SLC25A13: variants seen among roughly 807,000 people sequenced by gnomAD.
SLC25A13 encodes electrogenic aspartate/glutamate antiporter SLC25A13, mitochondrial.
Under a neutral mutation model 85.5 loss-of-function variants are expected in SLC25A13, and 70 were observed. The ratio of observed to expected loss-of-function variants is 0.82; its 90% CI spans 0.68 to 1.00. The LOEUF is 1.00. Ranked by LOEUF, SLC25A13 falls within the 50% of genes least tolerant of loss-of-function variation. The pLI, the probability that SLC25A13 is intolerant of heterozygous loss-of-function variation, is 0.00. For missense variants in SLC25A13, 765 were observed against 819.8 expected (o/e 0.93, Z 0.82); for synonymous variants, 259 against 288.7 (o/e 0.90, Z 1.04).
intron 4 of SLC25A13, among the ~76,000 whole-genome samples, chr7:96,213,030 G>C (rs1330709959): frequency 6.6e-6 from 1 of 152,218 alleles, no homozygotes; most frequent in East Asian, 1.9e-4. Context: ...AACTAATAAA[G>C]TCTTTTAAAA....
At position 96,233,795 on chromosome 7, in the gene SLC25A13, A is replaced by C. The variant is rs546280790; in HGVS notation, c.328+1007T>G. 5.3e-5 allele frequency among the ~76,000 whole-genome samples: 8 copies of C among 152,314 alleles called. No homozygotes were observed. In the South Asian group the frequency reaches 1.2e-3, roughly 24 times the overall value. On this transcript the variant is annotated intron_variant, in intron 4 of 17. Coordinates refer to ENST00000265631, the MANE Select transcript of SLC25A13 (RefSeq NM_014251.3). ...TTTTTCCCATATCTGTATGTTTTCC[A>C]CAATACATCAAATAAGACAAGTCCC...
chr7:96,153,028 G>A (rs1793109674), intron 13 of SLC25A13, among the ~76,000 whole-genome samples: 1 of 152,200 alleles, frequency 6.6e-6, no homozygotes, highest in Non-Finnish European at 1.5e-5. Context: ...AAAATATCTA[G>A]GGGGAAGAGA....
intron 3 of SLC25A13, among the ~76,000 whole-genome samples, chr7:96,273,737 T>A (rs1798333655): frequency 6.6e-6 from 1 of 152,148 alleles, no homozygotes; most frequent in Admixed American, 6.6e-5. Flanking sequence ...TGACTCAGAT[T>A]TTTTTTTCTG....
At chr7:96,294,470 G>C (rs1029246865) in intron 2 of SLC25A13, among the ~76,000 whole-genome samples, 4 of 151,900 alleles carry the variant, frequency 2.6e-5, no homozygotes, top group African/African-American at 4.8e-5. Context: ...TTAACTAGGC[G>C]TGGTGGTACA....
At chr7:96,190,434 T>C (rs1246099835) in intron 7 of SLC25A13, among the ~76,000 whole-genome samples, 1 of 151,874 alleles carries the variant, frequency 6.6e-6, no homozygotes, top group Non-Finnish European at 1.5e-5. Flanking sequence ...TAATATCCTG[T>C]CCCAAGCCTA....
intron 4 of SLC25A13, among the ~76,000 whole-genome samples, chr7:96,230,066 C>G (rs1796481414): frequency 6.6e-6 from 1 of 152,136 alleles, no homozygotes; most frequent in Admixed American, 6.5e-5. Context: ...TTGCTTGCAG[C>G]AGCCAAAAAT....
chr7:96,283,760 C>T (rs117611384), intron 2 of SLC25A13: 9,048 of 193,062 alleles, frequency 0.047, 301 homozygotes, highest in Admixed American at 0.061. Flanking sequence ...TGAGAACTCA[C>T]GGGAAGGAGC....
intron 3 of SLC25A13, among the ~76,000 whole-genome samples, chr7:96,275,634 G>A (rs1228297415): frequency 6.6e-6 from 1 of 151,474 alleles, no homozygotes; most frequent in Non-Finnish European, 1.5e-5. Flanking sequence ...CTATCACAAG[G>A]ACAAAAAAAC....
intron 3 of SLC25A13, among the ~76,000 whole-genome samples, chr7:96,273,949 A>G (rs1279876230): frequency 6.6e-6 from 1 of 152,198 alleles, no homozygotes; most frequent in Admixed American, 6.5e-5. Context: ...AACTAGTGTG[A>G]AATATAGCCC....
intron 15 of SLC25A13, among the ~76,000 whole-genome samples, chr7:96,126,394 C>T (rs1791728037): frequency 6.6e-6 from 1 of 152,196 alleles, no homozygotes; most frequent in Admixed American, 6.5e-5. Context: ...CCATTCCTTA[C>T]ACTTATCCTC....
intron 3 of SLC25A13, among the ~76,000 whole-genome samples, chr7:96,253,728 C>T (rs144045097): frequency 1.2e-3 from 189 of 152,186 alleles, no homozygotes; most frequent in Admixed American, 2.4e-3. Flanking sequence ...GCAAGTGAGA[C>T]GGTATTCTGA....
chr7:96,312,943 G>A (rs1277812955), intron 1 of SLC25A13, among the ~76,000 whole-genome samples: 1 of 152,222 alleles, frequency 6.6e-6, no homozygotes, highest in Non-Finnish European at 1.5e-5. Context: ...AATTCAGGCT[G>A]ATGGTGTCTC....
chr7:96,120,853 C>T lies in SLC25A13; in HGVS notation c.*338G>A, dbSNP rs1302124962. The T allele has an allele frequency of 6.3e-6, 3 of 478,440 alleles. No individual in the cohort carries two copies. The highest frequency in any genetic ancestry group is 2.3e-5 in the Admixed American group (1 of 43,200). The allele number at this position is 478,440 out of a possible 1,614,324, so 29.6% of individuals were successfully genotyped here. On this transcript the variant is annotated 3_prime_UTR_variant, in exon 18 of 18. Coordinates refer to ENST00000265631, the MANE Select transcript of SLC25A13 (RefSeq NM_014251.3). ...CACCATGATTGCCTTACAGTAGCCTCTTTGGGACTACAATCCTAGTTCAAG... is the reference window on the plus strand; with the variant it reads ...CACCATGATTGCCTTACAGTAGCCTTTTTGGGACTACAATCCTAGTTCAAG...
rs201931382 is a variant in SLC25A13 at position 96,121,350 on chromosome 7, A to G, written c.1869T>C (p.Pro623=). 5.0e-5 allele frequency: 81 copies of G among 1,614,228 alleles called. No homozygotes were observed. Among genetic ancestry groups the G allele is most frequent in the Admixed American group, 1.5e-4 (9 of 60,030 alleles). ...GGGCAGGCAGGTTGATCCTGGATTT[A>G]GGAACTGGCTCTGATCCCATGGGTT... ...GVKPMGSEPV[P]KSRINLPAPN... Residue 623 remains proline (P), a synonymous_variant, in exon 18 of 18, where the codon CCT becomes CCC. Coordinates refer to ENST00000265631, the MANE Select transcript of SLC25A13 (RefSeq NM_014251.3).
At chr7:96,293,090 C>G (rs969169417) in intron 2 of SLC25A13, among the ~76,000 whole-genome samples, 16 of 152,122 alleles carry the variant, frequency 1.1e-4, no homozygotes, top group African/African-American at 3.9e-4. Flanking sequence ...AGACATAGAC[C>G]AATGGAACAG....
At chr7:96,241,111 T>A (rs1415962903) in intron 3 of SLC25A13, among the ~76,000 whole-genome samples, 1 of 145,104 alleles carries the variant, frequency 6.9e-6, no homozygotes, top group Non-Finnish European at 1.5e-5. Context: ...AGAAAGGCAC[T>A]TTATACCAAG....
At chr7:96,272,549 C>T (rs1317343217) in intron 3 of SLC25A13, among the ~76,000 whole-genome samples, 2 of 152,084 alleles carry the variant, frequency 1.3e-5, no homozygotes, top group African/African-American at 4.8e-5. Flanking sequence ...ATTTCCAGGT[C>T]AAAGGCAGGA....
intron 2 of SLC25A13, among the ~76,000 whole-genome samples, chr7:96,295,944 T>C (rs1449336346): frequency 1.3e-5 from 2 of 151,986 alleles, no homozygotes; most frequent in East Asian, 3.8e-4. Flanking sequence ...CCTTTTCTTT[T>C]CTGAGTACTT....
intron 4 of SLC25A13, among the ~76,000 whole-genome samples, chr7:96,234,032 T>C (rs1796652560): frequency 6.6e-6 from 1 of 152,234 alleles, no homozygotes. Flanking sequence ...GCAATGCTAC[T>C]GCAGATTTGC....
Sources: allele counts gnomAD v4.1 joint callset (sites outside exome capture counted in the v4.1 genomes callset), GRCh38; gene constraint gnomAD v4.1.1; transcripts MANE v1.5; gene names NCBI Gene and HGNC (gene_info 2026-07-23, HGNC 2026-07-21).